The following ANKRD44 variants were observed in gnomAD, a reference collection of about 807,000 sequenced individuals.
ANKRD44 encodes the protein ankyrin repeat domain 44.
A neutral mutation model predicts 116.0 loss-of-function variants in ANKRD44; 35 were observed. The observed-to-expected ratio is 0.30, with a 90% CI of 0.23 to 0.40. ANKRD44 has a LOEUF of 0.40. Among genes scored for constraint, ANKRD44 ranks in the 10% least tolerant of loss-of-function variants. The pLI is 1.00. For missense variants in ANKRD44, 1,014 were observed against 1,242.6 expected (o/e 0.82, Z 2.77); for synonymous variants, 435 against 461.8 (o/e 0.94, Z 0.74).
At chr2:197,064,279 C>T (rs1028634958) in intron 16 of ANKRD44, among the ~76,000 whole-genome samples, 1 of 152,118 alleles carries the variant, frequency 6.6e-6, no homozygotes, top group African/African-American at 2.4e-5. Context: ...CCAGGCCTGC[C>T]CTACAAGAGC....
intron 11 of ANKRD44, among the ~76,000 whole-genome samples, chr2:197,089,209 T>C (rs2077989598): frequency 6.6e-6 from 1 of 152,172 alleles, no homozygotes; most frequent in Non-Finnish European, 1.5e-5. Context: ...CATGCTTGCA[T>C]GCAGGGATTA....
At position 197,185,900 on chromosome 2, in the gene ANKRD44, T is replaced by G. The variant is rs562220683; in HGVS notation, c.111+1123A>C. Among the ~76,000 whole-genome samples the G allele has an allele frequency of 9.8e-5, 15 of 152,302 alleles. No individual in the cohort carries two copies. In the East Asian group the frequency reaches 1.7e-3, roughly 18 times the overall value. On this transcript the variant is annotated intron_variant, in intron 2 of 27. Transcript: ENST00000282272. ...AGCAAACTTTCCCTAAAAAAACAGA[T>G]AGTAAATATCTTTGGCTTTGTGAGC...
At chr2:197,237,882 C>T (rs1046101388) in intron 1 of ANKRD44, among the ~76,000 whole-genome samples, 12 of 152,204 alleles carry the variant, frequency 7.9e-5, no homozygotes, top group African/African-American at 2.7e-4. Context: ...GTGCAACTTC[C>T]GGATGCCCTT....
intron 1 of ANKRD44, among the ~76,000 whole-genome samples, chr2:197,242,742 C>T (rs550023217): frequency 1.3e-5 from 2 of 152,294 alleles, no homozygotes; most frequent in South Asian, 4.1e-4. Flanking sequence ...ACTTGACTCA[C>T]CTATCAAGAG....
intron 13 of ANKRD44, among the ~76,000 whole-genome samples, chr2:197,085,793 A>G (rs1218900402): frequency 6.6e-6 from 1 of 152,170 alleles, no homozygotes; most frequent in Non-Finnish European, 1.5e-5. Context: ...TTACTTCTTT[A>G]CTTTCTCAAT....
At chr2:197,173,912 A>C (rs2080300482) in intron 2 of ANKRD44, among the ~76,000 whole-genome samples, 1 of 152,170 alleles carries the variant, frequency 6.6e-6, no homozygotes, top group African/African-American at 2.4e-5. Flanking sequence ...ACATGTCTGT[A>C]ATCTCAGCTA....
intron 27 of ANKRD44, 186 bp from the exon 28 acceptor site, chr2:196,989,835 G>T: frequency 7.4e-7 from 1 of 1,351,176 alleles, no homozygotes; most frequent in South Asian, 1.8e-5. Context: ...TACTACTGAT[G>T]AACAATGCTG....
At chr2:196,997,452 C>CTTTTT (rs35812345) in intron 25 of ANKRD44, among the ~76,000 whole-genome samples, 1 of 136,008 alleles carries the variant, frequency 7.4e-6, no homozygotes, top group Non-Finnish European at 1.5e-5. Flanking sequence ...TATAATTTAT[C>CTTTTT]TTTTTTTTTT....
intron 13 of ANKRD44, among the ~76,000 whole-genome samples, chr2:197,084,312 C>T (rs935126878): frequency 6.6e-6 from 1 of 152,126 alleles, no homozygotes; most frequent in African/African-American, 2.4e-5. Context: ...TGCCCATTCA[C>T]GAATCACTTC....
chr2:197,165,940 T>G (rs1454747745), intron 2 of ANKRD44, among the ~76,000 whole-genome samples: 2 of 152,136 alleles, frequency 1.3e-5, no homozygotes, highest in African/African-American at 4.8e-5. Flanking sequence ...TCCAGGCAAG[T>G]TTAGACAAAA....
intron 16 of ANKRD44, among the ~76,000 whole-genome samples, chr2:197,025,904 A>G (rs1052560641): frequency 3.9e-5 from 6 of 152,222 alleles, no homozygotes; most frequent in African/African-American, 1.4e-4. Context: ...CAAGGAATGG[A>G]AAGACCAATG....
At chr2:197,005,262 T>A (rs1237422663) in intron 21 of ANKRD44, among the ~76,000 whole-genome samples, 2 of 152,132 alleles carry the variant, frequency 1.3e-5, no homozygotes, top group Non-Finnish European at 2.9e-5. Context: ...ATAAGGAATA[T>A]GAAACACAAC....
chr2:197,125,464 A>T lies in ANKRD44; in HGVS notation c.467T>A (p.Val156Asp). 1 of 1,613,494 alleles carries T rather than the reference A, an allele frequency of 6.2e-7. No individual in the cohort carries two copies. Among genetic ancestry groups the T allele is most frequent in the Non-Finnish European group, 8.5e-7 (1 of 1,179,764 alleles). ...TGCCCCTTTGGCCAAGAGTAAATTG[A>T]CCATCTGAAAGATAACCAACAATGA... Reference protein sequence around the residue: ...HAALNGHVEMVNLLLAKGANI... With the variant: ...HAALNGHVEMDNLLLAKGANI... Residue 156 changes from valine (V) to aspartate (D), a missense_variant, in exon 6 of 28, where the codon GTC (valine) becomes GAC (aspartate). By Grantham distance (152) the Val-to-Asp change is radical. Transcript: ENST00000282272.
At chr2:197,037,195 C>T (rs1211025426) in intron 16 of ANKRD44, among the ~76,000 whole-genome samples, 1 of 152,144 alleles carries the variant, frequency 6.6e-6, no homozygotes, top group Non-Finnish European at 1.5e-5. Flanking sequence ...TACTTTTTTG[C>T]ATATTCTAAA....
At chr2:197,152,089 T>C (rs2125452410) in intron 2 of ANKRD44, among the ~76,000 whole-genome samples, 1 of 152,348 alleles carries the variant, frequency 6.6e-6, no homozygotes, top group East Asian at 1.9e-4. Flanking sequence ...CTAGCCTCTA[T>C]CTTACAGGCT....
At chr2:197,297,014 A>T (rs1208823069) in intron 1 of ANKRD44, among the ~76,000 whole-genome samples, 1 of 152,248 alleles carries the variant, frequency 6.6e-6, no homozygotes, top group Admixed American at 6.5e-5. Flanking sequence ...TCAAAAAGAC[A>T]CAGTTTTATA....
intron 1 of ANKRD44, among the ~76,000 whole-genome samples, chr2:197,267,690 G>A (rs968771152): frequency 6.6e-6 from 1 of 152,222 alleles, no homozygotes; most frequent in African/African-American, 2.4e-5. Flanking sequence ...AATGGCTCCA[G>A]ATAATGCTGG....
In ANKRD44 at chr2:197,005,752, C is replaced by G; in HGVS notation, c.2289G>C (p.Glu763Asp). Residue 763 changes from glutamate to aspartate, a missense_variant, in exon 21 of 28, where the codon GAG becomes GAC. By Grantham distance (45) the Glu-to-Asp change is conservative. Coordinates refer to ENST00000282272, the MANE Select transcript of ANKRD44 (RefSeq NM_001195144.2). ...CTTGGTTATCTTTGAAACAACAGTC[C>G]TCCTCAGAAAGAGCCATTTGGAGCA... Reference protein sequence around the residue: ...SELLQMALSEEDCCFKDNQGY... With the variant: ...SELLQMALSEDDCCFKDNQGY... The G allele has an allele frequency of 6.2e-7, 1 of 1,614,100 alleles. No individual in the cohort carries two copies. Among genetic ancestry groups the G allele is most frequent in the Non-Finnish European group, 8.5e-7 (1 of 1,180,004 alleles).
intron 9 of ANKRD44, among the ~76,000 whole-genome samples, chr2:197,105,564 C>A (rs1389645490): frequency 6.6e-6 from 1 of 152,182 alleles, no homozygotes; most frequent in Non-Finnish European, 1.5e-5. Context: ...GCTGAGGAGA[C>A]ACATTGGTGG....
Sources: allele counts gnomAD v4.1 joint callset (sites outside exome capture counted in the v4.1 genomes callset), GRCh38; gene constraint gnomAD v4.1.1; transcripts MANE v1.5; gene names NCBI Gene and HGNC (gene_info 2026-07-23, HGNC 2026-07-21).